Variants in ADH4 observed in about 807,000 individuals in gnomAD.
The protein encoded by ADH4 is alcohol dehydrogenase 4 (class II), pi polypeptide.
Under a neutral mutation model 35.2 loss-of-function variants are expected in ADH4, and 31 were observed. The observed-to-expected ratio is 0.88, with a 90% CI of 0.66 to 1.19. ADH4 has a LOEUF of 1.19. Ranked by LOEUF, ADH4 falls within the 50% of genes most tolerant of loss-of-function variation. The pLI is 0.00. For missense variants in ADH4, 476 were observed against 458.3 expected, an observed-to-expected ratio of 1.04 and a Z score of -0.35; for synonymous variants, 171 against 160.2, an observed-to-expected ratio of 1.07 and a Z score of -0.51.
intron 4 of ADH4, 26 bp from the exon 5 acceptor site, chr4:99,136,723 A>G: frequency 1.4e-6 from 2 of 1,418,098 alleles, no homozygotes; most frequent in Middle Eastern, 3.6e-4. Context: ...AAAGAGTGAT[A>G]CAAATAAAGA....
intron 5 of ADH4, among the ~76,000 whole-genome samples, chr4:99,132,559 A>C (rs2110496214): frequency 6.6e-6 from 1 of 152,258 alleles, no homozygotes; most frequent in East Asian, 1.9e-4. Context: ...AATTTTATGA[A>C]GGCAGAAACT....
At chr4:99,130,901 TAAAGA>T (rs1250830995) in intron 6 of ADH4, among the ~76,000 whole-genome samples, 1 of 151,880 alleles carries the variant, frequency 6.6e-6, no homozygotes, top group Non-Finnish European at 1.5e-5. Context: ...TATATACTGT[TAAAGA>T]AAAGATTCTA....
Position 99,132,917 on chromosome 4 carries a change from C to T in ADH4, c.583-1153G>A, listed in dbSNP as rs548131778. Among the ~76,000 whole-genome samples, 6 of 152,134 alleles carry T rather than the reference C, an allele frequency of 3.9e-5. 1 individual carries two copies. The highest frequency in any genetic ancestry group is 1.4e-4 in the African/African-American group (6 of 41,506). The stretch of plus-strand genomic sequence containing the variant: ...TTACTATAATATTAGGTATACACAC[C>T]TCTGGCTTTTGCTACTCAGAGGAAA... On this transcript the variant is annotated intron_variant, in intron 5 of 8. Transcript: ENST00000265512.
chr4:99,124,411 CAGAT>C lies in ADH4; in HGVS notation c.*27_*30del, dbSNP rs1560773211. On this transcript the variant is annotated 3_prime_UTR_variant, in exon 9 of 9. Coordinates refer to ENST00000265512, the MANE Select transcript of ADH4 (RefSeq NM_000670.5). ...TTAACCAGGCAGGTTCACATTCAAT[CAGAT>C]AGTATTCTGAATTGCTCCTGGCATC... 1 of 1,458,630 alleles carries C rather than the reference CAGAT, an allele frequency of 6.9e-7. No homozygotes were observed. 90.4% of individuals were successfully genotyped at this position (1,458,630 alleles called of 1,614,324 possible).
chr4:99,132,381 A>T (rs1175540724), intron 5 of ADH4, among the ~76,000 whole-genome samples: 1 of 152,202 alleles, frequency 6.6e-6, no homozygotes, highest in Admixed American at 6.6e-5. Context: ...TTCTTTAATT[A>T]AAGTATAACC....
intron 1 of ADH4, 57 bp from the exon 2 acceptor site, chr4:99,142,837 G>A (rs1729674531): frequency 7.6e-7 from 1 of 1,316,158 alleles, no homozygotes; most frequent in African/African-American, 1.5e-5. Flanking sequence ...TGACAGGGTT[G>A]GGGGTAGGAG....
At chr4:99,126,240 A>T (rs1729083014) in intron 8 of ADH4, among the ~76,000 whole-genome samples, 1 of 152,180 alleles carries the variant, frequency 6.6e-6, no homozygotes. Flanking sequence ...CTCTGTGTCA[A>T]ACTGCAGAAC....
At chr4:99,134,772 A>G (rs1488565586) in intron 5 of ADH4, among the ~76,000 whole-genome samples, 2 of 151,698 alleles carry the variant, frequency 1.3e-5, no homozygotes, top group Admixed American at 6.6e-5. Context: ...AGCAAAGGGT[A>G]GCATTTTTGT....
chr4:99,140,032 C>T (rs1172433800), intron 3 of ADH4, among the ~76,000 whole-genome samples: 1 of 152,128 alleles, frequency 6.6e-6, no homozygotes, highest in Non-Finnish European at 1.5e-5. Flanking sequence ...GATTACATAG[C>T]CCATATTCCA....
At position 99,144,295 on chromosome 4, in the gene ADH4, C is replaced by T. The variant is rs910735689; in HGVS notation, c.-73G>A. ...CTTCAAACTCCTACCCAGGGAGTTC[C>T]GTGTCCTATAATGAGCTGTCTTTGA... On this transcript the variant is annotated 5_prime_UTR_variant, in exon 1 of 9. Transcript: ENST00000265512. 42 of 1,413,984 alleles carry T rather than the reference C, an allele frequency of 3.0e-5. No homozygotes were observed. The highest frequency in any genetic ancestry group is 8.4e-5 in the Admixed American group (5 of 59,618). 87.6% of individuals were successfully genotyped at this position (1,413,984 alleles called of 1,614,324 possible). A position where few individuals can be genotyped will look rare whatever the true frequency, so the allele number is the denominator to read the frequency against.
At chr4:99,137,454 G>C (rs1234225087) in intron 4 of ADH4, among the ~76,000 whole-genome samples, 13 of 151,842 alleles carry the variant, frequency 8.6e-5, no homozygotes, top group Non-Finnish European at 1.5e-4. Flanking sequence ...TAGAGACGGG[G>C]TTTCTCCGTG....
chr4:99,125,908 T>C (rs919618277), intron 8 of ADH4, among the ~76,000 whole-genome samples: 24 of 152,238 alleles, frequency 1.6e-4, no homozygotes, highest in African/African-American at 5.1e-4. Flanking sequence ...CTCCTCTATG[T>C]AACATTGTTC....
At chr4:99,143,015 GA>G (rs4148889) in intron 1 of ADH4, 8 of 595,886 alleles carry the variant, frequency 1.3e-5, no homozygotes, top group African/African-American at 3.8e-5. Context: ...TTTATTTCTT[GA>G]AAAAAAAACA....
intron 6 of ADH4, among the ~76,000 whole-genome samples, chr4:99,131,032 A>G (rs1579395572): frequency 6.6e-6 from 1 of 152,194 alleles, no homozygotes; most frequent in African/African-American, 2.4e-5. Flanking sequence ...CTTTGGCTAA[A>G]GAATGCTGTC....
intron 3 of ADH4, 70 bp from the exon 4 acceptor site, chr4:99,139,218 G>T: frequency 1.0e-6 from 1 of 969,446 alleles, no homozygotes; most frequent in Non-Finnish European, 1.6e-6. Flanking sequence ...ATAAATCAGT[G>T]GAAAACACCT....
intron 1 of ADH4, chr4:99,143,455 T>C: frequency 2.7e-6 from 1 of 368,378 alleles, no homozygotes; most frequent in Non-Finnish European, 5.0e-6. Context: ...AGAAATTAAA[T>C]ATTTAGGATT....
chr4:99,128,817 T>TA (rs60168011), intron 6 of ADH4, among the ~76,000 whole-genome samples: 13,619 of 151,648 alleles, frequency 0.09, 956 homozygotes, highest in Admixed American at 0.23. Flanking sequence ...TTATCTTTTT[T>TA]TTGAGGCAGT....
chr4:99,136,715 A>AAAATTGTTCCCTGCACTCCAGCCT lies in ADH4; in HGVS notation c.351-19_351-18insAGGCTGGAGTGCAGGGAACAATTT. 1 of 1,494,726 alleles carries AAAATTGTTCCCTGCACTCCAGCCT rather than the reference A, an allele frequency of 6.7e-7. No individual in the cohort carries two copies. Among genetic ancestry groups the AAAATTGTTCCCTGCACTCCAGCCT allele is most frequent in the Non-Finnish European group, 9.3e-7 (1 of 1,077,588 alleles). 92.6% of individuals were successfully genotyped at this position (1,494,726 alleles called of 1,614,324 possible). A position where few individuals can be genotyped will look rare whatever the true frequency, so the allele number is the denominator to read the frequency against. On this transcript the variant is annotated intron_variant, in intron 4 of 8. Transcript: ENST00000265512. ...TGAGATTACTAGAAAATTAAAAAAA[A>AAAATTGTTCCCTGCACTCCAGCCT]GAGTGATACAAATAAAGAGAAGTTA... is the stretch of plus-strand genomic sequence containing the variant.
At chr4:99,128,480 G>A (rs1431011624) in intron 6 of ADH4, among the ~76,000 whole-genome samples, 1 of 152,082 alleles carries the variant, frequency 6.6e-6, no homozygotes, top group African/African-American at 2.4e-5. Flanking sequence ...GGCTAGTTCT[G>A]CATAATATCT....
Sources: gnomAD v4.1 joint callset for allele counts (sites outside exome capture counted in the v4.1 genomes callset) on GRCh38, gnomAD v4.1.1 for gene constraint, MANE v1.5 for transcripts, NCBI Gene and HGNC (gene_info 2026-07-23, HGNC 2026-07-21) for gene names.